The following TNKS variants were observed in gnomAD, a reference collection of about 807,000 sequenced individuals.
The protein encoded by TNKS is tankyrase, also known as poly [ADP-ribose] polymerase tankyrase-1.
Under a neutral mutation model 135.8 loss-of-function variants are expected in TNKS, and 72 were observed. That is an observed-to-expected ratio of 0.53 (90% confidence interval 0.44 to 0.64). The LOEUF (loss-of-function observed/expected upper bound fraction) is 0.64. TNKS is among the 30% of genes least tolerant of loss of function. The pLI, the probability that TNKS is intolerant of heterozygous loss-of-function variation, is 0.00. For missense variants in TNKS, 1,769 were observed against 1,674.0 expected, an observed-to-expected ratio of 1.06 and a Z score of -0.99; for synonymous variants, 849 against 649.3, an observed-to-expected ratio of 1.31 and a Z score of -4.68.
intron 2 of TNKS, among the ~76,000 whole-genome samples, chr8:9,599,760 C>G (rs562546250): frequency 2.1e-5 from 3 of 144,966 alleles, no homozygotes; most frequent in South Asian, 4.7e-4. Flanking sequence ...ATAATCTATA[C>G]CTAAGTTACT....
chr8:9,626,139 T>C (rs989857092), intron 3 of TNKS, among the ~76,000 whole-genome samples: 11 of 152,224 alleles, frequency 7.2e-5, no homozygotes, highest in African/African-American at 2.7e-4. Flanking sequence ...GATTGACCCT[T>C]TCTTCATTTT....
At chr8:9,630,620 G>A (rs1800254400) in intron 3 of TNKS, among the ~76,000 whole-genome samples, 1 of 152,122 alleles carries the variant, frequency 6.6e-6, no homozygotes. Flanking sequence ...ATAAATTCAT[G>A]CTATATAAAA....
At chr8:9,630,630 A>G (rs1176939111) in intron 3 of TNKS, among the ~76,000 whole-genome samples, 1 of 152,210 alleles carries the variant, frequency 6.6e-6, no homozygotes, top group African/African-American at 2.4e-5. Context: ...GCTATATAAA[A>G]TTTCCTATAA....
chr8:9,664,483 A>G (rs879841834), intron 3 of TNKS, among the ~76,000 whole-genome samples: 6 of 152,202 alleles, frequency 3.9e-5, no homozygotes, highest in Non-Finnish European at 5.9e-5. Context: ...CAATTTCAAC[A>G]TACATTTGGA....
chr8:9,614,751 T>C (rs1426333891), intron 2 of TNKS, among the ~76,000 whole-genome samples: 6 of 152,148 alleles, frequency 3.9e-5, no homozygotes, highest in Non-Finnish European at 8.8e-5. Context: ...AGCAACAGTC[T>C]CCTCCTCTCC....
At chr8:9,761,695 G>A in intron 21 of TNKS, 59 bp downstream of exon 21, 1 of 1,548,380 alleles carries the variant, frequency 6.5e-7, no homozygotes, top group Non-Finnish European at 8.7e-7. Flanking sequence ...GTAAGTATTG[G>A]GGCTGATAAT....
Position 9,706,925 on chromosome 8 carries a change from A to G in TNKS, c.1384A>G (p.Thr462Ala), listed in dbSNP as rs766870749. 4 of 1,614,006 alleles carry G rather than the reference A, an allele frequency of 2.5e-6. No homozygotes were observed. The highest frequency in any genetic ancestry group is 1.1e-5 in the South Asian group (1 of 91,050). Reference protein sequence around the residue: ...SLLLSHGADPTLVNCHGKSAV... With the variant: ...SLLLSHGADPALVNCHGKSAV... ...GTTACTTAGCCATGGCGCTGATCCT[A>G]CATTAGTCAACTGCCATGGCAAAAG... Residue 462 changes from threonine to alanine, a missense_variant, in exon 8 of 27, where the codon ACA (threonine) becomes GCA (alanine). Physicochemically the swap from Thr to Ala is moderately conservative, Grantham distance 58. Coordinates refer to ENST00000310430, the MANE Select transcript of TNKS (RefSeq NM_003747.3).
At chr8:9,688,722 C>T (rs550072763) in intron 5 of TNKS, among the ~76,000 whole-genome samples, 1 of 152,312 alleles carries the variant, frequency 6.6e-6, no homozygotes, top group South Asian at 2.1e-4. Flanking sequence ...TCACTGCAAG[C>T]TCCGCCTCCT....
At chr8:9,775,147 G>C (rs1403633228) in intron 26 of TNKS, among the ~76,000 whole-genome samples, 2 of 152,070 alleles carry the variant, frequency 1.3e-5, no homozygotes, top group African/African-American at 2.4e-5. Flanking sequence ...CAGTATGTGA[G>C]CTTTGCTAGA....
At chr8:9,633,991 T>C (rs1305622382) in intron 3 of TNKS, among the ~76,000 whole-genome samples, 1 of 152,016 alleles carries the variant, frequency 6.6e-6, no homozygotes, top group Non-Finnish European at 1.5e-5. Context: ...ATTCATTCTT[T>C]TAAGTTGTCA....
intron 2 of TNKS, among the ~76,000 whole-genome samples, chr8:9,607,494 C>G (rs1480655732): frequency 6.6e-6 from 1 of 152,188 alleles, no homozygotes; most frequent in Non-Finnish European, 1.5e-5. Context: ...AATGTGGAAT[C>G]TGAAACCATG....
intron 2 of TNKS, among the ~76,000 whole-genome samples, chr8:9,589,001 A>T (rs1428945263): frequency 6.6e-6 from 1 of 152,192 alleles, no homozygotes. Context: ...TATTATTGTC[A>T]TAGATAATTG....
intron 5 of TNKS, among the ~76,000 whole-genome samples, chr8:9,691,469 G>T (rs1380609612): frequency 6.6e-6 from 1 of 152,100 alleles, no homozygotes; most frequent in Non-Finnish European, 1.5e-5. Context: ...TTGCCCCTCA[G>T]CTATATTAGT....
At chr8:9,557,007 A>C in intron 1 of TNKS, 2 of 312,732 alleles carry the variant, frequency 6.4e-6, no homozygotes, top group South Asian at 1.6e-4. Context: ...AGGACAGTCC[A>C]GACCAAAAGA....
intron 11 of TNKS, among the ~76,000 whole-genome samples, chr8:9,713,855 G>C (rs1349978375): frequency 6.6e-6 from 1 of 152,022 alleles, no homozygotes; most frequent in African/African-American, 2.4e-5. Context: ...TTTTTCTTGC[G>C]TAGTATTTCT....
intron 26 of TNKS, among the ~76,000 whole-genome samples, chr8:9,775,814 C>T (rs1290691052): frequency 1.3e-5 from 2 of 151,990 alleles, no homozygotes; most frequent in Admixed American, 6.6e-5. Context: ...CAAGAGTCTT[C>T]TTTTAGTCAC....
chr8:9,720,721 G>C (rs1490062684), intron 12 of TNKS, among the ~76,000 whole-genome samples, 176 bp downstream of exon 12: 1 of 152,110 alleles, frequency 6.6e-6, no homozygotes, highest in Non-Finnish European at 1.5e-5. Flanking sequence ...AGGTGTCATG[G>C]GAAGGAAGCA....
intron 3 of TNKS, among the ~76,000 whole-genome samples, chr8:9,621,857 T>G (rs1039858224): frequency 3.9e-5 from 6 of 152,208 alleles, no homozygotes; most frequent in African/African-American, 1.4e-4. Flanking sequence ...TTTATCTATA[T>G]GAATTTTATT....
intron 3 of TNKS, among the ~76,000 whole-genome samples, chr8:9,677,681 G>C (rs550397137): frequency 1.3e-5 from 2 of 152,120 alleles, no homozygotes; most frequent in South Asian, 2.1e-4. Context: ...AGCTTTTTAA[G>C]TATACTTTGC....
Sources: gnomAD v4.1 joint callset for allele counts (sites outside exome capture counted in the v4.1 genomes callset) on GRCh38, gnomAD v4.1.1 for gene constraint, MANE v1.5 for transcripts, NCBI Gene and HGNC (gene_info 2026-07-23, HGNC 2026-07-21) for gene names.